Variants in FAT3 observed in about 807,000 individuals in gnomAD.
The protein encoded by FAT3 is FAT atypical cadherin 3, also known as protocadherin Fat 3.
Under a neutral mutation model 310.2 loss-of-function variants are expected in FAT3, and 95 were observed. The ratio of observed to expected loss-of-function variants is 0.31; its 90% CI spans 0.26 to 0.36. FAT3 has a LOEUF of 0.36. Ranked by LOEUF, FAT3 falls within the 10% of genes least tolerant of loss-of-function variation. The pLI, the probability that FAT3 is intolerant of heterozygous loss-of-function variation, is 1.00. For synonymous variants in FAT3, 2,314 were observed against 2,192.9 expected (o/e 1.06, Z -1.54); for missense variants, 5,408 against 5,715.6 (o/e 0.95, Z 1.74).
In FAT3 at chr11:92,350,265, A is replaced by G. The variant is rs1239151602; in HGVS notation, c.-17-1831A>G. On this transcript the variant is annotated intron_variant, in intron 1 of 27. Coordinates refer to ENST00000525166, the MANE Select transcript of FAT3 (RefSeq NM_001367949.2). ...ATATTATCATTAACAAAAAGGTTAT[A>G]ATAATATGTGCCTTGCTAACCTTGG... Among the ~76,000 whole-genome samples, 4 of 152,088 alleles carry G rather than the reference A, an allele frequency of 2.6e-5. No individual in the cohort carries two copies. The East Asian group carries it at 7.7e-4, about 29-fold the overall frequency.
At position 92,355,180 on chromosome 11, in the gene FAT3, C is replaced by G; in HGVS notation, c.3068C>G (p.Ser1023Cys). 6.2e-7 allele frequency: 1 copy of G among 1,613,832 alleles called. No homozygotes were observed. Among genetic ancestry groups the G allele is most frequent in the Non-Finnish European group, 8.5e-7 (1 of 1,179,852 alleles). Residue 1023 changes from serine to cysteine, a missense_variant, in exon 2 of 28, where the codon TCT becomes TGT. Transcript: ENST00000525166. ...KDKGRPVSLS[S>C]VSFVEVEVVD... ...AAAGGGCGGCCTGTCTCTCTGTCAT[C>G]TGTTTCCTTTGTTGAGGTGGAAGTG...
chr11:92,715,170 C>A (rs955211441), intron 4 of FAT3, among the ~76,000 whole-genome samples: 63 of 151,478 alleles, frequency 4.2e-4, no homozygotes, highest in African/African-American at 1.5e-3. Context: ...CTTTGGGAGG[C>A]CGAGGTAGGC....
rs571920220 is a variant in FAT3, at chr11:92,810,026, C to G, written c.9431C>G (p.Thr3144Arg). Residue 3144 changes from threonine (T) to arginine (R), a missense_variant, in exon 13 of 28, where the codon ACA becomes AGA. Physicochemically the swap from Thr to Arg is moderately conservative, Grantham distance 71. Transcript: ENST00000525166. ...DHYNTCVYEN[T>R]ATKALLTRVQ... Reference sequence around the variant, plus strand: ...TACAACACCTGTGTCTATGAGAACACAGCCACCAAGGCTCTGTTGACCAGA... The same window carrying G: ...TACAACACCTGTGTCTATGAGAACAGAGCCACCAAGGCTCTGTTGACCAGA... 5 of 1,613,850 alleles carry G rather than the reference C, an allele frequency of 3.1e-6. No individual in the cohort carries two copies. The highest frequency in any genetic ancestry group is 1.3e-5 in the African/African-American group (1 of 74,938).
chr11:92,553,803 TC>T, intron 3 of FAT3, among the ~76,000 whole-genome samples: 1 of 151,862 alleles, frequency 6.6e-6, no homozygotes, highest in South Asian at 2.1e-4. Context: ...CTTTCTTTTT[TC>T]TTTCTTTCTC....
chr11:92,658,180 C>T (rs998433168), intron 3 of FAT3, among the ~76,000 whole-genome samples: 1 of 152,096 alleles, frequency 6.6e-6, no homozygotes, highest in Non-Finnish European at 1.5e-5. Flanking sequence ...ATGTTTTCCT[C>T]AGAAATACTT....
intron 3 of FAT3, among the ~76,000 whole-genome samples, chr11:92,604,348 T>G (rs1286136547): frequency 2.0e-5 from 3 of 152,304 alleles, no homozygotes; most frequent in South Asian, 2.1e-4. Flanking sequence ...TAAACTTAAT[T>G]ATATTTAATT....
At chr11:92,299,799 G>C (rs1030141826) in intron 1 of FAT3, among the ~76,000 whole-genome samples, 1 of 152,062 alleles carries the variant, frequency 6.6e-6, no homozygotes, top group Non-Finnish European at 1.5e-5. Context: ...TACCAATATA[G>C]GTTTTGCAAA....
rs546635002 is a variant in FAT3 at position 92,495,209 on chromosome 11, G to A, written c.3293-29425G>A. Among the ~76,000 whole-genome samples the A allele has an allele frequency of 2.6e-5, 4 of 152,160 alleles. No homozygotes were observed. In the East Asian group the frequency reaches 5.8e-4, roughly 22 times the overall value. On this transcript the variant is annotated intron_variant, in intron 2 of 27. Coordinates refer to ENST00000525166, the MANE Select transcript of FAT3 (RefSeq NM_001367949.2). ...TATTTGATCCACATAGCAAAGCAGC[G>A]AGGTAGACAGAACAAGGGACAGTAT... is the stretch of plus-strand genomic sequence containing the variant.
chr11:92,832,535 C>T (rs1259435133), intron 14 of FAT3, among the ~76,000 whole-genome samples: 1 of 152,004 alleles, frequency 6.6e-6, no homozygotes, highest in Non-Finnish European at 1.5e-5. Context: ...TTTTAAGCTC[C>T]TTGTTGTGGG....
chr11:92,357,761 TG>T (rs1252758859), intron 2 of FAT3, among the ~76,000 whole-genome samples: 2 of 152,102 alleles, frequency 1.3e-5, no homozygotes, highest in African/African-American at 4.8e-5. Flanking sequence ...TTGGTATTAG[TG>T]GCCTAGATTT....
At chr11:92,671,847 T>C (rs1282063724) in intron 3 of FAT3, among the ~76,000 whole-genome samples, 2 of 152,226 alleles carry the variant, frequency 1.3e-5, no homozygotes, top group African/African-American at 2.4e-5. Flanking sequence ...GGCTTACGCC[T>C]GTAATCCCAG....
At chr11:92,454,541 A>G (rs1297032504) in intron 2 of FAT3, among the ~76,000 whole-genome samples, 1 of 152,146 alleles carries the variant, frequency 6.6e-6, no homozygotes, top group Non-Finnish European at 1.5e-5. Flanking sequence ...AGAAGTGAAC[A>G]CGATTGGTAG....
chr11:92,860,831 A>T (rs1350426255), intron 21 of FAT3, among the ~76,000 whole-genome samples: 1 of 152,140 alleles, frequency 6.6e-6, no homozygotes, highest in Non-Finnish European at 1.5e-5. Flanking sequence ...ATTGCCAGGT[A>T]TTATTTGATG....
intron 1 of FAT3, among the ~76,000 whole-genome samples, chr11:92,236,966 G>A (rs1864449461): frequency 6.6e-6 from 1 of 152,146 alleles, no homozygotes; most frequent in Non-Finnish European, 1.5e-5. Context: ...CATAGGGGCT[G>A]ATAGAGGCAA....
intron 2 of FAT3, among the ~76,000 whole-genome samples, chr11:92,420,319 A>C (rs1231799342): frequency 6.6e-6 from 1 of 152,226 alleles, no homozygotes; most frequent in African/African-American, 2.4e-5. Context: ...TGATAAGTCC[A>C]TACATCATGG....
At chr11:92,765,210 A>G in intron 6 of FAT3, 121 bp downstream of exon 6, 3 of 879,386 alleles carry the variant, frequency 3.4e-6, no homozygotes, top group Non-Finnish European at 5.1e-6. Flanking sequence ...TAAAAGATGT[A>G]TAGTGCTGGA....
intron 3 of FAT3, among the ~76,000 whole-genome samples, chr11:92,643,300 A>G (rs899152920): frequency 6.6e-6 from 1 of 152,202 alleles, no homozygotes; most frequent in African/African-American, 2.4e-5. Context: ...CAAGCAGCCT[A>G]AGTCACCTAA....
intron 3 of FAT3, among the ~76,000 whole-genome samples, chr11:92,538,290 C>T (rs990268942): frequency 6.6e-5 from 10 of 152,094 alleles, no homozygotes; most frequent in African/African-American, 2.2e-4. Context: ...GTGAAATTCA[C>T]CAGTACACCC....
rs187968609 is a variant in FAT3 at position 92,617,457 on chromosome 11, C to T, written c.3608-79927C>T. ...TTAGCTTGGAGAAGTTTGTTATTACCAATCGTCTGAAGCCTTCTTCTCTCA... is the reference window on the plus strand; with the variant it reads ...TTAGCTTGGAGAAGTTTGTTATTACTAATCGTCTGAAGCCTTCTTCTCTCA... On this transcript the variant is annotated intron_variant, in intron 3 of 27. Coordinates refer to ENST00000525166, the MANE Select transcript of FAT3 (RefSeq NM_001367949.2). Among the ~76,000 whole-genome samples, 174 of 152,080 alleles carry T rather than the reference C, an allele frequency of 1.1e-3. 1 individual carries two copies. Among genetic ancestry groups the T allele is most frequent in the East Asian group, 1.2e-3 (6 of 5,158 alleles).
Sources: allele counts gnomAD v4.1 joint callset (sites outside exome capture counted in the v4.1 genomes callset), GRCh38; gene constraint gnomAD v4.1.1; transcripts MANE v1.5; gene names NCBI Gene and HGNC (gene_info 2026-07-23, HGNC 2026-07-21).